Variants in TCEA1 observed in about 807,000 individuals in gnomAD.
TCEA1 encodes transcription elongation factor A protein 1.
TCEA1 carries 21 observed loss-of-function variants against 43.8 expected under a neutral mutation model. The observed-to-expected ratio is 0.48, with a 90% confidence interval of 0.34 to 0.69. TCEA1 has a LOEUF of 0.69. Ranked by LOEUF, TCEA1 falls within the 30% of genes least tolerant of loss-of-function variation. TCEA1 has a pLI of 0.01. For synonymous variants in TCEA1, 104 were observed against 117.5 expected, an observed-to-expected ratio of 0.88 and a Z score of 0.75; for missense variants, 250 against 365.1, an observed-to-expected ratio of 0.68 and a Z score of 2.57.
intron 2 of TCEA1, chr8:54,010,151 A>C (rs1378262659): frequency 6.0e-6 from 2 of 333,650 alleles, no homozygotes; most frequent in Non-Finnish European, 1.1e-5. Flanking sequence ...TTAGGAGACC[A>C]AATCAGGGCC....
At chr8:53,992,157 T>C (rs917181577) in intron 4 of TCEA1, among the ~76,000 whole-genome samples, 4 of 149,788 alleles carry the variant, frequency 2.7e-5, no homozygotes, top group Admixed American at 6.6e-5. Context: ...ATTAAAAATA[T>C]AAAAATTAGC....
chr8:54,021,840 A>G (rs913830811), intron 1 of TCEA1: 2 of 399,440 alleles, frequency 5.0e-6, no homozygotes, highest in Non-Finnish European at 8.7e-6. Context: ...GGCACCAGCG[A>G]GCAGGGACTG....
chr8:53,979,162 T>C lies in TCEA1; in HGVS notation c.688A>G (p.Ser230Gly). ...FARMTAEEMA[S>G]DELKEMRKNL... Reference sequence around the variant, plus strand: ...TTCCGCATCTCTTTCAGCTCATCACTAGCCATTTCCTATGAGGTAGGGGGC... The same window carrying C: ...TTCCGCATCTCTTTCAGCTCATCACCAGCCATTTCCTATGAGGTAGGGGGC... Residue 230 changes from serine (S) to glycine (G), a missense_variant, in exon 8 of 10, where the codon AGT (serine) becomes GGT (glycine). Transcript: ENST00000521604. 1 of 1,613,588 alleles carries C rather than the reference T, an allele frequency of 6.2e-7. No individual in the cohort carries two copies. Among genetic ancestry groups the C allele is most frequent in the Non-Finnish European group, 8.5e-7 (1 of 1,179,588 alleles).
intron 3 of TCEA1, among the ~76,000 whole-genome samples, chr8:53,994,717 A>T (rs895317525): frequency 4.6e-5 from 7 of 151,026 alleles, no homozygotes; most frequent in Non-Finnish European, 1.0e-4. Context: ...AAAAAATACA[A>T]AAAATTAGCC....
intron 2 of TCEA1, among the ~76,000 whole-genome samples, chr8:54,005,474 A>T (rs777172202): frequency 1.7e-4 from 26 of 152,162 alleles, no homozygotes; most frequent in Non-Finnish European, 1.2e-4. Flanking sequence ...CAGTGTATCC[A>T]AATTATCCTT....
intron 3 of TCEA1, chr8:53,999,538 AAGAG>A (rs1216944169): frequency 6.1e-6 from 1 of 164,910 alleles, no homozygotes; most frequent in South Asian, 2.0e-4. Flanking sequence ...GAGAAAGAAA[AAGAG>A]AGAATATGAT....
At position 54,002,618 on chromosome 8, in the gene TCEA1, G is replaced by A. The variant is rs551549728; in HGVS notation, c.127-2568C>T. 3.4e-3 allele frequency among the ~76,000 whole-genome samples: 519 copies of A among 150,988 alleles called. 2 individuals carry two copies. The highest frequency in any genetic ancestry group is 0.012 in the African/African-American group (495 of 41,222). On this transcript the variant is annotated intron_variant, in intron 2 of 9. Coordinates refer to ENST00000521604, the MANE Select transcript of TCEA1 (RefSeq NM_006756.4). Reference sequence around the variant, plus strand: ...GAAAAGATTATGAAGCTATTTACTTGGATAAGCAAGTCTGAAGTTGACTCT... The same window carrying A: ...GAAAAGATTATGAAGCTATTTACTTAGATAAGCAAGTCTGAAGTTGACTCT...
rs148859466 is a variant in TCEA1, at chr8:53,986,057, T to C, written c.523+912A>G. Reference sequence around the variant, plus strand: ...AGATAAAAAGTGAAGAATAAGACTTTGAATTCTATACCAACAGGAAAAATT... The same window carrying C: ...AGATAAAAAGTGAAGAATAAGACTTCGAATTCTATACCAACAGGAAAAATT... On this transcript the variant is annotated intron_variant, in intron 6 of 9. Transcript: ENST00000521604. Among the ~76,000 whole-genome samples, 220 of 152,350 alleles carry C rather than the reference T, an allele frequency of 1.4e-3. 1 individual carries two copies. The highest frequency in any genetic ancestry group is 5.0e-3 in the African/African-American group (207 of 41,584).
chr8:53,982,749 T>C (rs1803552306), intron 7 of TCEA1, among the ~76,000 whole-genome samples: 1 of 152,128 alleles, frequency 6.6e-6, no homozygotes, highest in African/African-American at 2.4e-5. Flanking sequence ...ATAGATGAGA[T>C]GCTTCTTGTG....
chr8:54,003,013 T>C (rs1408481625), intron 2 of TCEA1: 2 of 456,116 alleles, frequency 4.4e-6, no homozygotes, highest in South Asian at 1.5e-5. Context: ...ACAAGCAGAT[T>C]TGGTGTGCTC....
At chr8:53,994,635 A>C (rs1192665070) in intron 3 of TCEA1, among the ~76,000 whole-genome samples, 1 of 152,094 alleles carries the variant, frequency 6.6e-6, no homozygotes, top group Non-Finnish European at 1.5e-5. Context: ...TTGGAAGGCC[A>C]CGGCGGGCAG....
At chr8:53,993,505 G>GA (rs11409518) in intron 4 of TCEA1, 163 bp downstream of exon 4, 37,121 of 501,462 alleles carry the variant, frequency 0.074, 6,578 homozygotes, top group African/African-American at 0.51. Flanking sequence ...CAAGAAATCT[G>GA]AAAAAAAAAT....
chr8:54,000,429 C>A (rs1371404731), intron 2 of TCEA1, among the ~76,000 whole-genome samples: 1 of 152,156 alleles, frequency 6.6e-6, no homozygotes, highest in African/African-American at 2.4e-5. Context: ...TCTATACATT[C>A]CTCTACATGG....
At chr8:53,983,875 GATC>G (rs1803601295) in intron 7 of TCEA1, among the ~76,000 whole-genome samples, 1 of 152,224 alleles carries the variant, frequency 6.6e-6, no homozygotes. Flanking sequence ...AAGGCGGACA[GATC>G]ATCTGGAGGT....
At chr8:53,982,689 T>C (rs1243053736) in intron 7 of TCEA1, among the ~76,000 whole-genome samples, 1 of 148,958 alleles carries the variant, frequency 6.7e-6, no homozygotes, top group Non-Finnish European at 1.5e-5. Flanking sequence ...AGATTAGAAG[T>C]AGAGCTTCAA....
At chr8:53,992,344 G>A (rs1414451467) in intron 4 of TCEA1, among the ~76,000 whole-genome samples, 1 of 151,902 alleles carries the variant, frequency 6.6e-6, no homozygotes, top group African/African-American at 2.4e-5. Context: ...CAGGCACAGT[G>A]GCTCACGCCT....
At chr8:54,004,370 G>A (rs1429172759) in intron 2 of TCEA1, among the ~76,000 whole-genome samples, 3 of 152,126 alleles carry the variant, frequency 2.0e-5, no homozygotes, top group Non-Finnish European at 2.9e-5. Flanking sequence ...AGCCAAAAAA[G>A]TCTAAACGCA....
chr8:54,003,319 T>C (rs1362438530), intron 2 of TCEA1, among the ~76,000 whole-genome samples: 6 of 152,158 alleles, frequency 3.9e-5, no homozygotes. Context: ...CTCAATGCAA[T>C]GCCTATCAGA....
At chr8:54,020,147 G>C (rs73679596) in intron 1 of TCEA1, among the ~76,000 whole-genome samples, 19,802 of 152,180 alleles carry the variant, frequency 0.13, 3,401 homozygotes, top group African/African-American at 0.4. Flanking sequence ...TGCATTAGAT[G>C]ATTAAAGGAT....
Sources: gnomAD v4.1 joint callset for allele counts (sites outside exome capture counted in the v4.1 genomes callset) on GRCh38, gnomAD v4.1.1 for gene constraint, MANE v1.5 for transcripts, NCBI Gene and HGNC (gene_info 2026-07-23, HGNC 2026-07-21) for gene names.